The following CACNA1B variants were observed in gnomAD, a reference collection of about 807,000 sequenced individuals.
CACNA1B encodes voltage-dependent N-type calcium channel subunit alpha-1B.
A neutral mutation model predicts 247.2 loss-of-function variants in CACNA1B; 70 were observed. That is an observed-to-expected ratio of 0.28 (90% CI 0.23 to 0.35). The LOEUF is 0.35. Ranked by LOEUF, CACNA1B falls within the 10% of genes least tolerant of loss-of-function variation. The pLI is 1.00. For synonymous variants in CACNA1B, 1,231 were observed against 1,294.4 expected (o/e 0.95, Z 1.05); for missense variants, 2,367 against 3,197.4 (o/e 0.74, Z 6.26).
At chr9:138,077,674 G>T (rs1960374451) in intron 35 of CACNA1B, among the ~76,000 whole-genome samples, 1 of 152,204 alleles carries the variant, frequency 6.6e-6, no homozygotes, top group South Asian at 2.1e-4. Context: ...TGAGAGCCTG[G>T]CTGTGTTTTG....
intron 36 of CACNA1B, among the ~76,000 whole-genome samples, chr9:138,088,193 AC>A (rs1960763550): frequency 6.6e-6 from 1 of 151,934 alleles, no homozygotes. Context: ...ACATGGTGAA[AC>A]CCCATCTCTA....
rs1364013234 is a variant in CACNA1B, at chr9:137,954,990, T to G, written c.1071-708T>G. Among the ~76,000 whole-genome samples, 1 of 151,700 alleles carries G rather than the reference T, an allele frequency of 6.6e-6. No homozygotes were observed. The highest frequency in any genetic ancestry group is 1.5e-5 in the Non-Finnish European group (1 of 67,924). On this transcript the variant is annotated intron_variant, in intron 7 of 46. Coordinates refer to ENST00000371372, the MANE Select transcript of CACNA1B (RefSeq NM_000718.4). The surrounding 1 kb of genome is among the most constrained non-coding windows in gnomAD (Gnocchi z 4.1). ...GAGGCTGGGGCTGGGCTGGGGATGCTGAGCTGGAAGGGCAAGTGTTCTCTG... is the reference window on the plus strand; with the variant it reads ...GAGGCTGGGGCTGGGCTGGGGATGCGGAGCTGGAAGGGCAAGTGTTCTCTG...
At chr9:137,921,150 A>G (rs940585805) in intron 6 of CACNA1B, among the ~76,000 whole-genome samples, 1 of 152,218 alleles carries the variant, frequency 6.6e-6, no homozygotes, top group South Asian at 2.1e-4. Flanking sequence ...AGAAGGCCCA[A>G]GGCTGATACT....
chr9:137,964,801 T>G (rs1958056469), intron 10 of CACNA1B, among the ~76,000 whole-genome samples: 1 of 152,212 alleles, frequency 6.6e-6, no homozygotes, highest in South Asian at 2.1e-4. Flanking sequence ...TTTTAAGCAT[T>G]TTTGTGTTGA....
At chr9:138,084,163 C>T (rs1259932673) in intron 36 of CACNA1B, among the ~76,000 whole-genome samples, 1 of 151,040 alleles carries the variant, frequency 6.6e-6, no homozygotes, top group Non-Finnish European at 1.5e-5. Context: ...GCAACGTACA[C>T]CCAACTCTGC....
chr9:137,948,686 G>A (rs1351354368), intron 6 of CACNA1B, among the ~76,000 whole-genome samples: 63 of 150,310 alleles, frequency 4.2e-4, no homozygotes, highest in Admixed American at 4.1e-3. Flanking sequence ...TGTGTGTGGT[G>A]TGCATGTGTG....
chr9:138,077,817 A>G (rs1266532130), intron 35 of CACNA1B, among the ~76,000 whole-genome samples: 1 of 152,226 alleles, frequency 6.6e-6, no homozygotes, highest in Non-Finnish European at 1.5e-5. Flanking sequence ...TGTGTCTGGG[A>G]GGAGGTCAGG....
chr9:137,988,728 T>A (rs938695249), intron 15 of CACNA1B, among the ~76,000 whole-genome samples: 11 of 151,592 alleles, frequency 7.3e-5, no homozygotes, highest in Admixed American at 3.3e-4. Flanking sequence ...GGAGTCTGAG[T>A]TCCATGGCAG....
chr9:137,910,785 C>T (rs1957351520), intron 3 of CACNA1B, among the ~76,000 whole-genome samples: 1 of 152,184 alleles, frequency 6.6e-6, no homozygotes, highest in Non-Finnish European at 1.5e-5. Context: ...GCCGCCACCT[C>T]CTGCAGAGTG....
chr9:138,068,544 C>A, intron 31 of CACNA1B: 1 of 515,728 alleles, frequency 1.9e-6, no homozygotes, highest in East Asian at 5.5e-5. Flanking sequence ...AGCATTTAGT[C>A]CCAGTGCGCT....
In CACNA1B at chr9:138,092,281, C is replaced by A. The variant is rs1181693146; in HGVS notation, c.5095-4203C>A. Among the ~76,000 whole-genome samples the A allele has an allele frequency of 3.9e-5, 6 of 152,330 alleles. No homozygotes were observed. In the East Asian group the frequency reaches 1.2e-3, roughly 29 times the overall value. The stretch of plus-strand genomic sequence containing the variant: ...CACTGCAGGAGACCAGGGCGTATTT[C>A]ATCCCTGGTCGTCAACCACATAAGG... On this transcript the variant is annotated intron_variant, in intron 36 of 46. Coordinates refer to ENST00000371372, the MANE Select transcript of CACNA1B (RefSeq NM_000718.4).
chr9:137,947,451 A>C (rs1469271699), intron 6 of CACNA1B, among the ~76,000 whole-genome samples: 1 of 152,152 alleles, frequency 6.6e-6, no homozygotes, highest in Non-Finnish European at 1.5e-5. Flanking sequence ...ATAGTACTAT[A>C]ATTTTTGCTT....
chr9:138,075,922 G>A lies in CACNA1B; in HGVS notation c.4949+12G>A, dbSNP rs377731450. 6.1e-5 allele frequency: 96 copies of A among 1,572,698 alleles called. 1 individual carries two copies. In the East Asian group the frequency reaches 1.4e-3, roughly 23 times the overall value. ...ATGCTGCTGTTCAGGTGTGTTGTTC[G>A]GTCAGCCCAGGCCAATGTCTGCTCT... On this transcript the variant is annotated intron_variant, in intron 35 of 46. Coordinates refer to ENST00000371372, the MANE Select transcript of CACNA1B (RefSeq NM_000718.4).
chr9:137,947,874 T>C (rs1957814868), intron 6 of CACNA1B, among the ~76,000 whole-genome samples: 2 of 152,120 alleles, frequency 1.3e-5, no homozygotes, highest in Admixed American at 1.3e-4. Context: ...TTGTCTTTAG[T>C]TTTCAGAAGT....
intron 44 of CACNA1B, 150 bp downstream of exon 44, chr9:138,118,918 C>T (rs1055408268): frequency 1.7e-6 from 1 of 592,356 alleles, no homozygotes; most frequent in Non-Finnish European, 3.0e-6. Flanking sequence ...CAGGAGCAGG[C>T]ACCCCGGGCA....
chr9:137,960,159 G>GA (rs1957995931), intron 10 of CACNA1B, among the ~76,000 whole-genome samples: 1 of 139,846 alleles, frequency 7.2e-6, no homozygotes, highest in Non-Finnish European at 1.6e-5. Context: ...CTTGGCCTGA[G>GA]GAACGTGTGT....
rs916876693 is a variant in CACNA1B, at chr9:138,073,841, A to G, written c.4792-160A>G. The stretch of plus-strand genomic sequence containing the variant: ...TTTCATGACTCCGAGTTAGAGATAA[A>G]GAAACTGGGGCATCACTTGGTGGAG... On this transcript the variant is annotated intron_variant, in intron 33 of 46. Transcript: ENST00000371372. The surrounding 1 kb of genome is among the most constrained non-coding windows in gnomAD (Gnocchi z 6.4). 6.6e-6 allele frequency among the ~76,000 whole-genome samples: 1 copy of G among 152,226 alleles called. No individual in the cohort carries two copies. The highest frequency in any genetic ancestry group is 1.9e-4 in the East Asian group (1 of 5,200).
intron 15 of CACNA1B, among the ~76,000 whole-genome samples, chr9:137,998,392 C>T (rs1403247898): frequency 6.6e-6 from 1 of 152,136 alleles, no homozygotes; most frequent in African/African-American, 2.4e-5. Context: ...GGGCAGATCA[C>T]TTGAGGTCAG....
intron 6 of CACNA1B, among the ~76,000 whole-genome samples, chr9:137,922,990 A>G (rs1482058767): frequency 6.6e-6 from 1 of 152,142 alleles, no homozygotes; most frequent in Non-Finnish European, 1.5e-5. Flanking sequence ...TGCCATATCT[A>G]TAATTTAGTC....
Sources: gnomAD v4.1 joint callset for allele counts (sites outside exome capture counted in the v4.1 genomes callset) on GRCh38, gnomAD v4.1.1 for gene constraint, Gnocchi (gnomAD v3.1) non-coding constraint, MANE v1.5 for transcripts, NCBI Gene and HGNC (gene_info 2026-07-23, HGNC 2026-07-21) for gene names.